Variants in GRK5 observed in about 807,000 individuals in gnomAD.
The protein encoded by GRK5 is g protein-coupled receptor kinase GRK5.
In GRK5, 40 loss-of-function variants were observed where a neutral mutation model predicts 78.4. That is an observed-to-expected ratio of 0.51 (90% confidence interval 0.40 to 0.66). The LOEUF is 0.66. Ranked by LOEUF, GRK5 falls within the 30% of genes least tolerant of loss-of-function variation. The pLI is 0.00. For missense variants in GRK5, 598 were observed against 759.9 expected (o/e 0.79, Z 2.50); for synonymous variants, 289 against 296.8 (o/e 0.97, Z 0.27).
intron 1 of GRK5, among the ~76,000 whole-genome samples, chr10:119,299,822 G>A (rs367991788): frequency 3.5e-5 from 5 of 141,430 alleles, no homozygotes; most frequent in Non-Finnish European, 7.8e-5. Flanking sequence ...GTGTGTGTGT[G>A]TTTAATACAC....
chr10:119,431,377 T>C lies in GRK5; in HGVS notation c.598-10T>C. 1 of 1,610,098 alleles carries C rather than the reference T, an allele frequency of 6.2e-7. No individual in the cohort carries two copies. The highest frequency in any genetic ancestry group is 8.5e-7 in the Non-Finnish European group (1 of 1,178,000). On this transcript the variant is annotated splice_polypyrimidine_tract_variant and intron_variant, in intron 7 of 15. Transcript: ENST00000392870. The surrounding 1 kb of genome is among the most constrained non-coding windows in gnomAD (Gnocchi z 4.8). ...GCTCCTGCCACCCTGGTTTCTTTCT[T>C]GCACTGCAGGTCTGTGCCTGCCAGG...
chr10:119,443,016 G>A (rs952605909), intron 11 of GRK5, among the ~76,000 whole-genome samples: 2 of 152,166 alleles, frequency 1.3e-5, no homozygotes, highest in South Asian at 4.1e-4. Flanking sequence ...TGTCTGCCCC[G>A]GCTCTTGTGT....
Position 119,218,074 on chromosome 10 carries a change from TTGTGTGTGTG to T in GRK5, c.52+10125_52+10134del, listed in dbSNP as rs59742803. On this transcript the variant is annotated intron_variant, in intron 1 of 15. Transcript: ENST00000392870. ...GCATTTAGAAACCATGTCAACCCGT[TTGTGTGTGTG>T]TGTGTGTGTGTGTGTGTGTTGCGTT... 6.2e-4 allele frequency among the ~76,000 whole-genome samples: 91 copies of T among 146,586 alleles called. 2 individuals carry two copies. The highest frequency in any genetic ancestry group is 6.1e-4 in the East Asian group (3 of 4,928).
chr10:119,370,223 T>C (rs1467128527), intron 2 of GRK5, among the ~76,000 whole-genome samples: 1 of 152,130 alleles, frequency 6.6e-6, no homozygotes, highest in African/African-American at 2.4e-5. Flanking sequence ...TAGAGCCTTC[T>C]TTCCTCCCCA....
intron 3 of GRK5, among the ~76,000 whole-genome samples, chr10:119,382,481 A>G (rs1851729058): frequency 6.6e-6 from 1 of 152,164 alleles, no homozygotes; most frequent in African/African-American, 2.4e-5. Context: ...ATGAACCCCC[A>G]GGCACCCTTC....
chr10:119,261,141 C>T (rs1362116904), intron 1 of GRK5, among the ~76,000 whole-genome samples: 5 of 150,212 alleles, frequency 3.3e-5, no homozygotes, highest in Admixed American at 6.6e-5. Flanking sequence ...ACTTTTCAGA[C>T]GGGGCGGCTG....
At chr10:119,277,147 G>T (rs989403827) in intron 1 of GRK5, among the ~76,000 whole-genome samples, 4 of 152,142 alleles carry the variant, frequency 2.6e-5, no homozygotes, top group South Asian at 4.2e-4. Flanking sequence ...GATCCAGAAG[G>T]TTGGCTGATT....
At chr10:119,394,394 CT>C (rs1851979661) in intron 3 of GRK5, among the ~76,000 whole-genome samples, 1 of 7,944 alleles carries the variant, frequency 1.3e-4, no homozygotes, top group African/African-American at 4.7e-4. Context: ...GTATCTGTGT[CT>C]GTGTGTGGGC....
intron 12 of GRK5, among the ~76,000 whole-genome samples, chr10:119,444,853 C>T (rs537532712): frequency 1.8e-4 from 28 of 152,306 alleles, no homozygotes; most frequent in African/African-American, 5.5e-4. Context: ...AGGCAACTCC[C>T]GGAGTTTAGG....
chr10:119,304,284 C>CTTTTTTTT (rs59740732), intron 1 of GRK5, among the ~76,000 whole-genome samples: 9 of 75,044 alleles, frequency 1.2e-4, no homozygotes, highest in Admixed American at 1.7e-4. Flanking sequence ...GTGTGAGCTG[C>CTTTTTTTT]TTTTTTTTTT....
At chr10:119,339,436 C>G (rs1850946489) in intron 2 of GRK5, among the ~76,000 whole-genome samples, 1 of 152,180 alleles carries the variant, frequency 6.6e-6, no homozygotes. Flanking sequence ...CAGGGCCCAG[C>G]AAAGCTGCAA....
chr10:119,227,849 T>C (rs547142035), intron 1 of GRK5, among the ~76,000 whole-genome samples: 35 of 152,334 alleles, frequency 2.3e-4, no homozygotes, highest in African/African-American at 7.9e-4. Flanking sequence ...ATCTTGTTGC[T>C]GACTAGAGTG....
chr10:119,284,625 C>T (rs145488223), intron 1 of GRK5, among the ~76,000 whole-genome samples: 5 of 152,296 alleles, frequency 3.3e-5, no homozygotes, highest in East Asian at 3.9e-4. Context: ...GGGGCTTTGG[C>T]GCAGAACAGG....
At chr10:119,266,831 G>A (rs896133245) in intron 1 of GRK5, among the ~76,000 whole-genome samples, 1 of 150,188 alleles carries the variant, frequency 6.7e-6, no homozygotes, top group Admixed American at 6.6e-5. Flanking sequence ...CTGGAGTGCA[G>A]TGCTGTGATC....
At chr10:119,285,379 C>G (rs2133694956) in intron 1 of GRK5, among the ~76,000 whole-genome samples, 1 of 152,282 alleles carries the variant, frequency 6.6e-6, no homozygotes, top group South Asian at 2.1e-4. Context: ...CCAGGCTCCC[C>G]AAGGCTCGAT....
chr10:119,436,979 A>G, intron 9 of GRK5, 138 bp downstream of exon 9: 1 of 821,294 alleles, frequency 1.2e-6, no homozygotes, highest in Non-Finnish European at 1.8e-6. Context: ...AGAGTCAGAC[A>G]GACTTTCCAC....
intron 2 of GRK5, among the ~76,000 whole-genome samples, chr10:119,354,526 T>C (rs1035327911): frequency 2.7e-5 from 4 of 150,324 alleles, no homozygotes; most frequent in African/African-American, 9.8e-5. Context: ...CTCAGCCTCC[T>C]GAGTATCTGG....
intron 1 of GRK5, among the ~76,000 whole-genome samples, chr10:119,221,746 A>G (rs1848659125): frequency 6.6e-6 from 1 of 152,114 alleles, no homozygotes; most frequent in Non-Finnish European, 1.5e-5. Flanking sequence ...GAATCATAAT[A>G]ATTTGTGAAA....
chr10:119,221,245 A>G (rs1321057062), intron 1 of GRK5, among the ~76,000 whole-genome samples: 3 of 152,206 alleles, frequency 2.0e-5, no homozygotes, highest in Non-Finnish European at 4.4e-5. Flanking sequence ...CTCAGAAATA[A>G]TTAGCGTCAG....
Sources: allele counts gnomAD v4.1 joint callset (sites outside exome capture counted in the v4.1 genomes callset), GRCh38; gene constraint gnomAD v4.1.1; non-coding constraint Gnocchi (gnomAD v3.1); transcripts MANE v1.5; gene names NCBI Gene and HGNC (gene_info 2026-07-23, HGNC 2026-07-21).